NBEAL1: variants seen among roughly 807,000 people sequenced by gnomAD.
NBEAL1 encodes neurobeachin-like protein 1.
A neutral mutation model predicts 351.3 loss-of-function variants in NBEAL1; 273 were observed. The observed-to-expected ratio is 0.78, with a 90% CI of 0.70 to 0.86. The LOEUF (loss-of-function observed/expected upper bound fraction) is 0.86. NBEAL1 is among the 40% of genes least tolerant of loss of function. The pLI, the probability that NBEAL1 is intolerant of heterozygous loss-of-function variation, is 0.00. For synonymous variants in NBEAL1, 1,050 were observed against 1,086.4 expected, an observed-to-expected ratio of 0.97 and a Z score of 0.66; for missense variants, 2,961 against 3,201.3, an observed-to-expected ratio of 0.92 and a Z score of 1.81.
intron 44 of NBEAL1, among the ~76,000 whole-genome samples, chr2:203,187,667 T>TG (rs2064944442): frequency 6.6e-6 from 1 of 150,862 alleles, no homozygotes. Flanking sequence ...CTTGAACCCA[T>TG]GGGAGGTGGA....
chr2:203,206,824 C>T (rs1182816557), intron 51 of NBEAL1, among the ~76,000 whole-genome samples: 3 of 151,256 alleles, frequency 2.0e-5, no homozygotes, highest in African/African-American at 7.3e-5. Flanking sequence ...AGATTGCAGC[C>T]TCTGCCCGGC....
chr2:203,072,015 G>A (rs1019668871), intron 7 of NBEAL1, among the ~76,000 whole-genome samples: 1 of 152,154 alleles, frequency 6.6e-6, no homozygotes, highest in Non-Finnish European at 1.5e-5. Context: ...CCACCATTGA[G>A]GCACTAGGTA....
chr2:203,192,163 C>T (rs569137678), intron 46 of NBEAL1, among the ~76,000 whole-genome samples: 1 of 152,226 alleles, frequency 6.6e-6, no homozygotes, highest in South Asian at 2.1e-4. Context: ...TATGTGAAGT[C>T]AATGCTTTAT....
rs760736834 is a variant in NBEAL1, at chr2:203,204,324, GT to G, written c.7506+1561del. On this transcript the variant is annotated intron_variant, in intron 51 of 55. Transcript: ENST00000683969. ...GTTAATTTGGTTTGGGGGTTTTTTG[GT>G]TTTTTTTTTTTTTTTTTGAGGCAGG... 5.8e-3 allele frequency among the ~76,000 whole-genome samples: 731 copies of G among 125,784 alleles called. 1 individual carries two copies. Among genetic ancestry groups the G allele is most frequent in the African/African-American group, 8.5e-3 (292 of 34,334 alleles). 82.5% of individuals were successfully genotyped at this position (125,784 alleles called of 152,430 possible). A position where few individuals can be genotyped will look rare whatever the true frequency, so the allele number is the denominator to read the frequency against.
intron 3 of NBEAL1, among the ~76,000 whole-genome samples, chr2:203,043,358 C>T (rs1290380523): frequency 6.6e-6 from 1 of 152,032 alleles, no homozygotes; most frequent in Non-Finnish European, 1.5e-5. Context: ...ATCTTGAAGG[C>T]CTAATAGTTG....
rs1314599815 is a variant in NBEAL1, at chr2:203,220,022, AG to A, written c.*2669del. 1.3e-5 allele frequency: 2 copies of A among 152,212 alleles called. No homozygotes were observed. Among genetic ancestry groups the A allele is most frequent in the African/African-American group, 4.8e-5 (2 of 41,448 alleles). The allele number at this position is 152,212 out of a possible 1,614,324, so 9.4% of individuals were successfully genotyped here. On this transcript the variant is annotated 3_prime_UTR_variant, in exon 56 of 56. Transcript: ENST00000683969. ...ATAGCCTACTGAATTAAAAATCACT[AG>A]ATAAAATAATTGGAAAGAAGTACTT...
At chr2:203,166,787 T>A (rs2064148055) in intron 37 of NBEAL1, among the ~76,000 whole-genome samples, 1 of 151,892 alleles carries the variant, frequency 6.6e-6, no homozygotes. Context: ...ACTCCCAAAC[T>A]CATGTGATCT....
Position 203,188,457 on chromosome 2 carries a change from T to G in NBEAL1, c.6706-15T>G, listed in dbSNP as rs1286731412. 7.2e-7 allele frequency: 1 copy of G among 1,385,490 alleles called. No homozygotes were observed. Among genetic ancestry groups the G allele is most frequent in the Admixed American group, 2.4e-5 (1 of 41,856 alleles). 85.8% of individuals were successfully genotyped at this position (1,385,490 alleles called of 1,614,324 possible). A position where few individuals can be genotyped will look rare whatever the true frequency, so the allele number is the denominator to read the frequency against. ...GATATCTCTATATTAATTATTAAAT[T>G]TATTCTTTTTCTAGGAGTCTGAATA... On this transcript the variant is annotated splice_polypyrimidine_tract_variant and intron_variant, in intron 44 of 55. Transcript: ENST00000683969.
chr2:203,218,893 A>G lies in NBEAL1; in HGVS notation c.*1539A>G, dbSNP rs2065924074. 6.6e-6 allele frequency: 1 copy of G among 152,182 alleles called. No homozygotes were observed. Among genetic ancestry groups the G allele is most frequent in the Non-Finnish European group, 1.5e-5 (1 of 68,024 alleles). The allele number at this position is 152,182 out of a possible 1,614,324, so 9.4% of individuals were successfully genotyped here. Reference sequence around the variant, plus strand: ...AAAATCCTCTGTTTTATTAAGGAAAAAATAGCTATGTTTTAGGTAAATAAC... The same window carrying G: ...AAAATCCTCTGTTTTATTAAGGAAAGAATAGCTATGTTTTAGGTAAATAAC... On this transcript the variant is annotated 3_prime_UTR_variant, in exon 56 of 56. Transcript: ENST00000683969.
chr2:203,220,709 A>G lies in NBEAL1; in HGVS notation c.*3355A>G, dbSNP rs906660724. On this transcript the variant is annotated 3_prime_UTR_variant, in exon 56 of 56. Coordinates refer to ENST00000683969, the MANE Select transcript of NBEAL1 (RefSeq NM_001378026.1). The stretch of plus-strand genomic sequence containing the variant: ...ATAAAATTTTTTTACAACTGTTTGC[A>G]ATCAGTATTCTGGCATTACTCAGAT... 6.6e-6 allele frequency among the ~76,000 whole-genome samples: 1 copy of G among 152,220 alleles called. No individual in the cohort carries two copies. Among genetic ancestry groups the G allele is most frequent in the African/African-American group, 2.4e-5 (1 of 41,476 alleles).
chr2:203,036,652 T>C (rs1319141232), intron 2 of NBEAL1, among the ~76,000 whole-genome samples: 2 of 149,248 alleles, frequency 1.3e-5, no homozygotes, highest in South Asian at 2.1e-4. Context: ...ATGGCAGATA[T>C]TCAAAAAATT....
intron 33 of NBEAL1, 46 bp from the exon 34 acceptor site, chr2:203,148,945 T>C: frequency 1.3e-6 from 2 of 1,491,444 alleles, no homozygotes; most frequent in Non-Finnish European, 1.8e-6. Flanking sequence ...TAAATATACC[T>C]GTAAATATAT....
intron 6 of NBEAL1, 57 bp from the exon 7 acceptor site, chr2:203,068,336 T>G (rs1201660117): frequency 2.6e-6 from 2 of 754,866 alleles, no homozygotes; most frequent in East Asian, 2.9e-5. Context: ...TTTTTGTAAT[T>G]GTGCCGTGTC....
At chr2:203,071,086 T>C (rs2061674754) in intron 7 of NBEAL1, among the ~76,000 whole-genome samples, 1 of 152,224 alleles carries the variant, frequency 6.6e-6, no homozygotes, top group African/African-American at 2.4e-5. Flanking sequence ...TGATTTTTTG[T>C]TTAAAAATTT....
At chr2:203,128,262 CTTTTTTTT>C (rs11355179) in intron 24 of NBEAL1, among the ~76,000 whole-genome samples, 2 of 94,936 alleles carry the variant, frequency 2.1e-5, no homozygotes, top group African/African-American at 4.3e-5. Context: ...AATTTTTTGC[CTTTTTTTT>C]TTTTTTTTTT....
chr2:203,128,724 A>G lies in NBEAL1; in HGVS notation c.3405+787A>G, dbSNP rs527663908. On this transcript the variant is annotated intron_variant, in intron 24 of 55. Transcript: ENST00000683969. ...GTGATTCTCCTGCCTCAGCCTCCCG[A>G]GTAGCTGGGACTACAGGCACGCAGC... Among the ~76,000 whole-genome samples the G allele has an allele frequency of 2.3e-3, 349 of 151,198 alleles. 2 individuals carry two copies. Among genetic ancestry groups the G allele is most frequent in the African/African-American group, 7.9e-3 (326 of 41,234 alleles).
intron 38 of NBEAL1, among the ~76,000 whole-genome samples, chr2:203,168,600 A>G (rs1039610351): frequency 1.3e-5 from 2 of 151,844 alleles, no homozygotes; most frequent in African/African-American, 4.8e-5. Flanking sequence ...AGGTAAATAA[A>G]TAAGGCAGAT....
chr2:203,137,406 C>A (rs946083840), intron 29 of NBEAL1, among the ~76,000 whole-genome samples: 1 of 152,090 alleles, frequency 6.6e-6, no homozygotes, highest in South Asian at 2.1e-4. Context: ...ATTGGACACC[C>A]CTGCTGTAGA....
intron 36 of NBEAL1, among the ~76,000 whole-genome samples, chr2:203,162,019 A>ATTTTTTTTT (rs780529337): frequency 1.9e-5 from 2 of 107,226 alleles, no homozygotes; most frequent in Non-Finnish European, 3.9e-5. Flanking sequence ...ATTTGATTTG[A>ATTTTTTTTT]TTTTTTTTTT....
Sources: allele counts gnomAD v4.1 joint callset (sites outside exome capture counted in the v4.1 genomes callset), GRCh38; gene constraint gnomAD v4.1.1; transcripts MANE v1.5; gene names NCBI Gene and HGNC (gene_info 2026-07-23, HGNC 2026-07-21).